The following AGBL1 variants were observed in gnomAD, a reference collection of about 807,000 sequenced individuals.
AGBL1 encodes cytosolic carboxypeptidase 4.
AGBL1 carries 130 observed loss-of-function variants against 118.9 expected under a neutral mutation model. That is an observed-to-expected ratio of 1.09 (90% confidence interval 0.95 to 1.26). The LOEUF (loss-of-function observed/expected upper bound fraction) is 1.26. Among genes scored for constraint, AGBL1 ranks in the 50% most tolerant of loss-of-function variants. The pLI is 0.00. For synonymous variants in AGBL1, 555 were observed against 478.9 expected, an observed-to-expected ratio of 1.16 and a Z score of -2.08; for missense variants, 1,584 against 1,298.1, an observed-to-expected ratio of 1.22 and a Z score of -3.38.
intron 21 of AGBL1, among the ~76,000 whole-genome samples, chr15:86,570,891 C>T (rs950019861): frequency 6.6e-6 from 1 of 152,148 alleles, no homozygotes; most frequent in Non-Finnish European, 1.5e-5. Context: ...TGCTACTGGC[C>T]TGGATCCCAT....
At chr15:86,305,902 C>T (rs1306263802) in intron 17 of AGBL1, among the ~76,000 whole-genome samples, 1 of 152,182 alleles carries the variant, frequency 6.6e-6, no homozygotes, top group Non-Finnish European at 1.5e-5. Flanking sequence ...TACCACTTTA[C>T]ACTCCCACAA....
intron 16 of AGBL1, among the ~76,000 whole-genome samples, chr15:86,286,489 T>A (rs1261620634): frequency 6.6e-6 from 1 of 151,976 alleles, no homozygotes; most frequent in Non-Finnish European, 1.5e-5. Context: ...CTCCAGGCCC[T>A]GGTCACCACC....
At chr15:86,644,521 G>A (rs866828862) in intron 21 of AGBL1, among the ~76,000 whole-genome samples, 9 of 151,806 alleles carry the variant, frequency 5.9e-5, no homozygotes, top group African/African-American at 1.7e-4. Context: ...AATTCTAACA[G>A]CATAGATAAG....
chr15:86,912,449 T>C lies in AGBL1; in HGVS notation c.*5155T>C, dbSNP rs28415856. 20,075 of 152,150 alleles carry C rather than the reference T, an allele frequency of 0.13. 1,758 individuals are homozygous for C. The highest frequency in any genetic ancestry group is 0.25 in the African/African-American group (10,438 of 41,478). The allele number at this position is 152,150 out of a possible 1,614,324, so 9.4% of individuals were successfully genotyped here. A position where few individuals can be genotyped will look rare whatever the true frequency, so the allele number is the denominator to read the frequency against. ...ATCATGCCAACTTGGCTGCCTGGGCTCTCCTTGCAATCCCATCAATAAGAA... is the reference window on the plus strand; with the variant it reads ...ATCATGCCAACTTGGCTGCCTGGGCCCTCCTTGCAATCCCATCAATAAGAA... On this transcript the variant is annotated 3_prime_UTR_variant, in exon 23 of 23. Coordinates refer to ENST00000614907, the MANE Select transcript of AGBL1 (RefSeq NM_001386094.1).
intron 21 of AGBL1, among the ~76,000 whole-genome samples, chr15:86,648,222 G>A (rs911417943): frequency 2.6e-5 from 4 of 152,136 alleles, no homozygotes; most frequent in Admixed American, 6.5e-5. Context: ...AGGAAGGGGA[G>A]GGCAAGAGTG....
chr15:86,836,864 T>G (rs1304462127), intron 22 of AGBL1, among the ~76,000 whole-genome samples: 3 of 152,232 alleles, frequency 2.0e-5, no homozygotes, highest in Non-Finnish European at 4.4e-5. Flanking sequence ...CTGCTATGTC[T>G]TGTCCCTGTA....
chr15:86,791,617 C>G (rs2141330880), intron 22 of AGBL1, among the ~76,000 whole-genome samples: 2 of 152,028 alleles, frequency 1.3e-5, no homozygotes, highest in South Asian at 4.2e-4. Flanking sequence ...CTCTTGGATA[C>G]CTCAGTTTCT....
At chr15:86,945,825 TA>T (rs1195867101) in intron 23 of AGBL1, among the ~76,000 whole-genome samples, 1 of 152,240 alleles carries the variant, frequency 6.6e-6, no homozygotes, top group Non-Finnish European at 1.5e-5. Context: ...TACAGCACTT[TA>T]AAAAGATACT....
intron 1 of AGBL1, among the ~76,000 whole-genome samples, chr15:86,101,478 C>A (rs955389663): frequency 6.6e-6 from 1 of 151,854 alleles, no homozygotes; most frequent in Non-Finnish European, 1.5e-5. Context: ...CTGAAGTCCC[C>A]AACTATTATT....
intron 6 of AGBL1, among the ~76,000 whole-genome samples, chr15:86,234,160 G>A (rs188121355): frequency 1.3e-5 from 2 of 152,024 alleles, no homozygotes; most frequent in African/African-American, 2.4e-5. Flanking sequence ...CAGCCATGTT[G>A]TTTCTTTGAC....
chr15:86,886,125 C>A (rs985377998), intron 22 of AGBL1, among the ~76,000 whole-genome samples: 1 of 151,996 alleles, frequency 6.6e-6, no homozygotes, highest in Admixed American at 6.6e-5. Context: ...CTTTCTTTAT[C>A]GAAACTGTAA....
chr15:86,348,283 A>G (rs1242944202), intron 17 of AGBL1, among the ~76,000 whole-genome samples: 1 of 152,248 alleles, frequency 6.6e-6, no homozygotes, highest in Non-Finnish European at 1.5e-5. Flanking sequence ...GAAAGGGAGA[A>G]GCAAATTGTG....
At chr15:86,720,377 C>T (rs1211926248) in intron 22 of AGBL1, among the ~76,000 whole-genome samples, 1 of 152,168 alleles carries the variant, frequency 6.6e-6, no homozygotes, top group African/African-American at 2.4e-5. Context: ...TTCCTAGCCT[C>T]AAAATATATC....
intron 5 of AGBL1, among the ~76,000 whole-genome samples, chr15:86,221,129 T>G (rs1341990700): frequency 6.6e-6 from 1 of 151,812 alleles, no homozygotes; most frequent in Non-Finnish European, 1.5e-5. Flanking sequence ...ACCCAAGAGG[T>G]GGAGGTTGCA....
At chr15:86,373,960 C>A (rs1465807491) in intron 17 of AGBL1, among the ~76,000 whole-genome samples, 1 of 151,850 alleles carries the variant, frequency 6.6e-6, no homozygotes, top group Non-Finnish European at 1.5e-5. Context: ...AATTCACTAC[C>A]CCCTGCCCTA....
chr15:86,906,313 T>C (rs2080279124), intron 22 of AGBL1, among the ~76,000 whole-genome samples: 1 of 152,232 alleles, frequency 6.6e-6, no homozygotes, highest in South Asian at 2.1e-4. Context: ...CAATATGCTG[T>C]AAAGTTTTTG....
chr15:86,086,748 A>G (rs1895683592), intron 1 of AGBL1, among the ~76,000 whole-genome samples: 2 of 152,184 alleles, frequency 1.3e-5, no homozygotes, highest in Admixed American at 1.3e-4. Flanking sequence ...AAATTTGTGC[A>G]TATAAGTTGC....
intron 21 of AGBL1, among the ~76,000 whole-genome samples, chr15:86,576,837 C>G (rs1157803922): frequency 6.6e-6 from 1 of 152,168 alleles, no homozygotes; most frequent in Non-Finnish European, 1.5e-5. Flanking sequence ...CTGCTGCCAT[C>G]CATGTATGAC....
chr15:86,941,455 G>A (rs777637730), intron 23 of AGBL1, among the ~76,000 whole-genome samples: 5 of 152,158 alleles, frequency 3.3e-5, no homozygotes, highest in Admixed American at 6.5e-5. Context: ...ATGACGAACA[G>A]TCACAGCTAT....
Sources: allele counts gnomAD v4.1 joint callset (sites outside exome capture counted in the v4.1 genomes callset), GRCh38; gene constraint gnomAD v4.1.1; transcripts MANE v1.5; gene names NCBI Gene and HGNC (gene_info 2026-07-23, HGNC 2026-07-21).